The following YJU2 variants were observed in gnomAD, a reference collection of about 807,000 sequenced individuals.
The protein encoded by YJU2 is YJU2 splicing factor homolog, also known as splicing factor YJU2.
In YJU2, 28 loss-of-function variants were observed where a neutral mutation model predicts 39.6. That is an observed-to-expected ratio of 0.71 (90% CI 0.52 to 0.97). The LOEUF is 0.97. Ranked by LOEUF, YJU2 falls within the 50% of genes least tolerant of loss-of-function variation. The pLI, the probability that YJU2 is intolerant of heterozygous loss-of-function variation, is 0.00. For missense variants in YJU2, 328 were observed against 430.4 expected (o/e 0.76, Z 2.11); for synonymous variants, 184 against 182.4 (o/e 1.01, Z -0.07).
chr19:4,251,684 A>T (rs564581229), intron 3 of YJU2, among the ~76,000 whole-genome samples: 1 of 51,810 alleles, frequency 1.9e-5, no homozygotes, highest in Non-Finnish European at 3.3e-5. Context: ...GACTCCAACT[A>T]AAAAAAAAAA....
chr19:4,264,993 A>G (rs1031028202), intron 6 of YJU2, among the ~76,000 whole-genome samples: 10 of 152,128 alleles, frequency 6.6e-5, no homozygotes, highest in African/African-American at 2.4e-4. Context: ...TGGTTCTCAC[A>G]TAAACCACTC....
At chr19:4,266,116 G>A (rs1971113644) in intron 6 of YJU2, among the ~76,000 whole-genome samples, 1 of 151,946 alleles carries the variant, frequency 6.6e-6, no homozygotes, top group African/African-American at 2.4e-5. Flanking sequence ...ACCAAGCCTG[G>A]CTAATTTCTT....
At chr19:4,264,468 T>C (rs1447387666) in intron 6 of YJU2, among the ~76,000 whole-genome samples, 2 of 148,898 alleles carry the variant, frequency 1.3e-5, no homozygotes, top group Non-Finnish European at 1.5e-5. Flanking sequence ...CCACCACGCC[T>C]GGCTAATTTT....
intron 6 of YJU2, among the ~76,000 whole-genome samples, chr19:4,266,144 G>A (rs1244190153): frequency 6.6e-6 from 1 of 151,742 alleles, no homozygotes; most frequent in Admixed American, 6.6e-5. Context: ...TAGTAGAGAC[G>A]GGCTTTCACC....
intron 3 of YJU2, among the ~76,000 whole-genome samples, chr19:4,252,697 G>T (rs1269213838): frequency 6.6e-6 from 1 of 152,156 alleles, no homozygotes; most frequent in African/African-American, 2.4e-5. Context: ...GGTCAAGGGA[G>T]AAGGATCGCT....
intron 1 of YJU2, among the ~76,000 whole-genome samples, chr19:4,248,449 A>G (rs1173839188): frequency 6.6e-6 from 1 of 152,202 alleles, no homozygotes; most frequent in East Asian, 1.9e-4. Context: ...TGCAGGTTTC[A>G]GCTCCTCAGG....
chr19:4,265,419 C>G (rs1486203800), intron 6 of YJU2, among the ~76,000 whole-genome samples: 1 of 151,460 alleles, frequency 6.6e-6, no homozygotes, highest in African/African-American at 2.4e-5. Flanking sequence ...CCACAGCCAG[C>G]TAATTTTTAA....
chr19:4,249,426 A>C, intron 2 of YJU2, 98 bp downstream of exon 2: 3 of 737,000 alleles, frequency 4.1e-6, no homozygotes, highest in South Asian at 1.7e-5. Flanking sequence ...AGACCAGATC[A>C]CTGGTCTTAG....
At position 4,247,651 on chromosome 19, in the gene YJU2, GTGTGTGTGTGTGTGTGTGTGT is replaced by G. The variant is rs1970940407; in HGVS notation, c.24+482_24+502del. ...TGTGTGTGTGTGTGTGTGTGTGTGT[GTGTGTGTGTGTGTGTGTGTGT>G]GTGTGTGTGTGTGTGTGTGTGTGTG... On this transcript the variant is annotated intron_variant, in intron 1 of 7. Transcript: ENST00000262962. 7.1e-5 allele frequency among the ~76,000 whole-genome samples: 5 copies of G among 70,094 alleles called. 1 individual carries two copies. The highest frequency in any genetic ancestry group is 1.3e-4 in the African/African-American group (2 of 14,874). The allele number at this position is 70,094 out of a possible 152,430, so 46.0% of individuals were successfully genotyped here. A position where few individuals can be genotyped will look rare whatever the true frequency, so the allele number is the denominator to read the frequency against.
At chr19:4,254,286 C>A in intron 3 of YJU2, 69 bp from the exon 4 acceptor site, 1 of 1,137,014 alleles carries the variant, frequency 8.8e-7, no homozygotes, top group Non-Finnish European at 1.3e-6. Context: ...CCCTGATCTG[C>A]TGGTGGTACT....
chr19:4,262,586 A>G (rs1481190662), intron 6 of YJU2, among the ~76,000 whole-genome samples: 2 of 152,024 alleles, frequency 1.3e-5, no homozygotes, highest in Non-Finnish European at 2.9e-5. Flanking sequence ...TCAGGTGTAA[A>G]TAAGTGGGTG....
At chr19:4,256,216 A>G (rs1225565364) in intron 4 of YJU2, among the ~76,000 whole-genome samples, 2 of 149,552 alleles carry the variant, frequency 1.3e-5, no homozygotes, top group Non-Finnish European at 3.0e-5. Flanking sequence ...ATGTACACAC[A>G]CATATACATA....
chr19:4,268,619 C>A lies in YJU2; in HGVS notation c.895C>A (p.Pro299Thr). The A allele has an allele frequency of 6.2e-7, 1 of 1,613,594 alleles. No homozygotes were observed. Among genetic ancestry groups the A allele is most frequent in the Non-Finnish European group, 8.5e-7 (1 of 1,179,746 alleles). Reference protein sequence around the residue: ...PQNRKEANPTPLTPGASSLSQ... With the variant: ...PQNRKEANPTTLTPGASSLSQ... ...GAACAGGAAGGAGGCCAACCCTACACCCCTGACGCCTGGCGCGTCCTCCCT... is the reference window on the plus strand; with the variant it reads ...GAACAGGAAGGAGGCCAACCCTACAACCCTGACGCCTGGCGCGTCCTCCCT... Residue 299 changes from proline to threonine, a missense_variant, in exon 8 of 8, where the codon CCC (proline) becomes ACC (threonine). Pro to Thr is a conservative substitution (Grantham distance 38). Coordinates refer to ENST00000262962, the MANE Select transcript of YJU2 (RefSeq NM_018074.6).
intron 6 of YJU2, among the ~76,000 whole-genome samples, chr19:4,265,310 C>T (rs55850264): frequency 0.11 from 16,994 of 152,054 alleles, 1,232 homozygotes; most frequent in Non-Finnish European, 0.16. Context: ...TGCAGTGACG[C>T]GATCACAGCT....
intron 6 of YJU2, among the ~76,000 whole-genome samples, chr19:4,266,161 G>T (rs1034366180): frequency 1.3e-5 from 2 of 151,974 alleles, no homozygotes; most frequent in African/African-American, 4.8e-5. Context: ...CACCGTGTTA[G>T]CCAGGATGGT....
rs1272908216 is a variant in YJU2, at chr19:4,251,077, G to A, written c.176G>A (p.Arg59Gln). The A allele has an allele frequency of 6.2e-7, 1 of 1,614,178 alleles. No homozygotes were observed. Among genetic ancestry groups the A allele is most frequent in the Non-Finnish European group, 8.5e-7 (1 of 1,180,010 alleles). The stretch of plus-strand genomic sequence containing the variant: ...TACAAGGGGAAGAAATTCAATGCTC[G>A]GAAGGAGACGGTGCAGAACGAGGTC... Reference protein sequence around the residue: ...YIYKGKKFNARKETVQNEVYL... With the variant: ...YIYKGKKFNAQKETVQNEVYL... The change falls in exon 3 of 8, where the codon CGG (arginine) becomes CAG (glutamine). Residue 59 changes from arginine to glutamine, a missense_variant. Arg to Gln is a conservative substitution (Grantham distance 43). This residue lies in a region of YJU2 where 84 missense variants were observed against 165.8 expected (regional missense o/e 0.51). Transcript: ENST00000262962.
chr19:4,265,580 G>GAACT (rs1971108932), intron 6 of YJU2, among the ~76,000 whole-genome samples: 1 of 149,618 alleles, frequency 6.7e-6, no homozygotes, highest in African/African-American at 2.5e-5. Flanking sequence ...ACAGGTTTGG[G>GAACT]AACTAACCTA....
intron 1 of YJU2, 33 bp downstream of exon 1, chr19:4,247,203 G>C (rs1970925475): frequency 1.9e-6 from 3 of 1,600,588 alleles, no homozygotes; most frequent in Non-Finnish European, 2.6e-6. Flanking sequence ...TTTTCAATCG[G>C]AGCAGGACAT....
intron 1 of YJU2, among the ~76,000 whole-genome samples, chr19:4,247,664 T>C (rs866330490): frequency 0.013 from 1,140 of 86,626 alleles, 139 homozygotes; most frequent in South Asian, 0.019. Context: ...TGTGTGTGTG[T>C]GTGTGTGTGT....
Sources: gnomAD v4.1 joint callset for allele counts (sites outside exome capture counted in the v4.1 genomes callset) on GRCh38, gnomAD v4.1.1 for gene constraint, gnomAD v4.1.1 regional missense constraint, MANE v1.5 for transcripts, NCBI Gene and HGNC (gene_info 2026-07-23, HGNC 2026-07-21) for gene names.